Variants in ANK2 observed in about 807,000 individuals in gnomAD.
The protein encoded by ANK2 is ankyrin 2.
A neutral mutation model predicts 360.5 loss-of-function variants in ANK2; 83 were observed. That is an observed-to-expected ratio of 0.23 (90% CI 0.19 to 0.28). The LOEUF is 0.28. Ranked by LOEUF, ANK2 falls within the 10% of genes least tolerant of loss-of-function variation. ANK2 has a pLI of 1.00. For missense variants in ANK2, 4,201 were observed against 4,795.7 expected (o/e 0.88, Z 3.66); for synonymous variants, 1,740 against 1,759.5 (o/e 0.99, Z 0.28).
Position 113,335,937 on chromosome 4 carries a change from C to A in ANK2, c.3471C>A (p.Ile1157=). 6.2e-7 allele frequency: 1 copy of A among 1,614,160 alleles called. No homozygotes were observed. The highest frequency in any genetic ancestry group is 1.1e-5 in the South Asian group (1 of 91,078). ...FPQYFAVVSR[I]KQDSNLIGPE... is the part of the protein sequence containing the mutation. Reference sequence around the variant, plus strand: ...AGTACTTTGCAGTGGTGTCTCGTATCAAACAGGACAGCAATCTGATTGGCC... The same window carrying A: ...AGTACTTTGCAGTGGTGTCTCGTATAAAACAGGACAGCAATCTGATTGGCC... The change falls in exon 30 of 46, where the codon ATC becomes ATA. Residue 1157 remains isoleucine, a synonymous_variant. Transcript: ENST00000357077.
At chr4:112,907,871 T>A (rs539846121) in intron 2 of ANK2, among the ~76,000 whole-genome samples, 38 of 152,238 alleles carry the variant, frequency 2.5e-4, no homozygotes, top group Admixed American at 8.5e-4. Context: ...ATTACCAAAG[T>A]TCGTTAATGT....
chr4:113,335,803 A>C, intron 29 of ANK2, 43 bp from the exon 30 acceptor site: 1 of 1,577,250 alleles, frequency 6.3e-7, no homozygotes, highest in Non-Finnish European at 8.7e-7. Context: ...GTTAGAAGGA[A>C]ATCTTTGCTA....
At chr4:112,788,521 T>C in the ANK2 span, 7 of 1,580,620 alleles carry the variant, frequency 4.4e-6, no homozygotes, top group Non-Finnish European at 6.1e-6. Context: ...TGCCAGCAGC[T>C]TTCTTCTCGG....
intron 1 of ANK2, among the ~76,000 whole-genome samples, chr4:113,106,243 T>A (rs1048632297): frequency 2.0e-5 from 3 of 152,188 alleles, no homozygotes; most frequent in African/African-American, 7.2e-5. Flanking sequence ...TCAGAGCAAC[T>A]GGATTTAATA....
intron 1 of ANK2, among the ~76,000 whole-genome samples, chr4:112,851,092 A>C (rs1375091557): frequency 2.0e-5 from 3 of 152,188 alleles, no homozygotes; most frequent in Non-Finnish European, 4.4e-5. Flanking sequence ...TAGAAGTAAG[A>C]CAGATGAAGA....
the ANK2 span, among the ~76,000 whole-genome samples, chr4:112,773,651 A>G: frequency 1.3e-5 from 2 of 152,224 alleles, no homozygotes; most frequent in Non-Finnish European, 2.9e-5. Context: ...AGAGAGACAC[A>G]TTCATGCATT....
chr4:113,309,398 C>T (rs1428007275), intron 23 of ANK2, among the ~76,000 whole-genome samples: 1 of 152,172 alleles, frequency 6.6e-6, no homozygotes, highest in Non-Finnish European at 1.5e-5. Flanking sequence ...TAGCAGCAGC[C>T]TTAGGCAGAT....
chr4:112,948,256 C>CA lies in ANK2; in HGVS notation c.21+43750dup, dbSNP rs563234358. Among the ~76,000 whole-genome samples, 161 of 151,578 alleles carry CA rather than the reference C, an allele frequency of 1.1e-3. 1 individual carries two copies. The Middle Eastern group carries it at 0.017, about 16-fold the overall frequency. ...GGCTGGCAGCTGCCTTGCCTATTTACAAAAAAAACAGCACTTTGGAGAAGC... is the reference window on the plus strand; with the variant it reads ...GGCTGGCAGCTGCCTTGCCTATTTACAAAAAAAAACAGCACTTTGGAGAAGC... On this transcript the variant is annotated intron_variant, in intron 2 of 30. Coordinates refer to the ANK2 transcript ENST00000503271.
Position 113,357,284 on chromosome 4 carries a change from A to C in ANK2, c.8666A>C (p.Asp2889Ala). ...GAAACATTTGAGAACTTACCAAAGG[A>C]CTGCCCCTCTCAAGACTCATCCATT... ...TDETFENLPK[D>A]CPSQDSSITT... The change falls in exon 38 of 46, where the codon GAC becomes GCC. Residue 2889 changes from aspartate to alanine, a missense_variant. By Grantham distance (126) the Asp-to-Ala change is moderately radical. Transcript: ENST00000357077. 6.2e-7 allele frequency: 1 copy of C among 1,614,098 alleles called. No individual in the cohort carries two copies. Among genetic ancestry groups the C allele is most frequent in the Non-Finnish European group, 8.5e-7 (1 of 1,180,016 alleles).
intron 2 of ANK2, among the ~76,000 whole-genome samples, chr4:112,950,655 AAAAAAAAAG>A (rs1362489027): frequency 6.6e-6 from 1 of 151,596 alleles, no homozygotes; most frequent in Non-Finnish European, 1.5e-5. Flanking sequence ...AAAAGAAAAA[AAAAAAAAAG>A]AAAAAAAGAA....
chr4:113,184,600 C>G (rs77798747), intron 2 of ANK2, among the ~76,000 whole-genome samples: 3,140 of 152,198 alleles, frequency 0.021, 106 homozygotes, highest in African/African-American at 0.071. Flanking sequence ...CATTTTTCTC[C>G]TGGTTATTTT....
At chr4:112,754,006 G>A in the ANK2 span, among the ~76,000 whole-genome samples, 6 of 150,698 alleles carry the variant, frequency 4.0e-5, no homozygotes, top group African/African-American at 1.5e-4. Context: ...GCTGAGGCAC[G>A]ATAATCACTT....
chr4:113,223,666 G>C (rs17529905), intron 4 of ANK2, among the ~76,000 whole-genome samples: 3,464 of 152,198 alleles, frequency 0.023, 57 homozygotes, highest in Non-Finnish European at 0.032. Flanking sequence ...TAAGAGATGT[G>C]GTTGGCAGGG....
intron 1 of ANK2, among the ~76,000 whole-genome samples, chr4:113,070,728 C>G (rs149494958): frequency 6.6e-6 from 1 of 152,144 alleles, no homozygotes; most frequent in East Asian, 1.9e-4. Flanking sequence ...ATCCATCAAC[C>G]TTATTCCCTT....
intron 2 of ANK2, among the ~76,000 whole-genome samples, chr4:112,967,107 A>G (rs894092539): frequency 1.3e-5 from 2 of 152,196 alleles, no homozygotes; most frequent in African/African-American, 4.8e-5. Flanking sequence ...ATCCTTATTA[A>G]TTTTTAATCC....
intron 2 of ANK2, among the ~76,000 whole-genome samples, chr4:112,941,089 G>A (rs571514239): frequency 2.5e-4 from 38 of 151,976 alleles, no homozygotes; most frequent in African/African-American, 9.2e-4. Context: ...CCTTTAAGAT[G>A]TTCATATTCT....
chr4:112,933,122 A>G (rs1178228983), intron 2 of ANK2, among the ~76,000 whole-genome samples: 1 of 152,232 alleles, frequency 6.6e-6, no homozygotes, highest in South Asian at 2.1e-4. Flanking sequence ...GTTCATGGTT[A>G]TATAAACAAA....
At chr4:113,275,148 C>T (rs2059776207) in intron 15 of ANK2, among the ~76,000 whole-genome samples, 1 of 152,200 alleles carries the variant, frequency 6.6e-6, no homozygotes, top group Non-Finnish European at 1.5e-5. Context: ...TAGTTTCCAA[C>T]TTTACCAACT....
chr4:112,798,653 A>G, the ANK2 span: 2 of 152,222 alleles, frequency 1.3e-5, no homozygotes, highest in Admixed American at 1.3e-4. Flanking sequence ...CATCTGCTTG[A>G]TAACTTTGTG....
Sources: allele counts gnomAD v4.1 joint callset (sites outside exome capture counted in the v4.1 genomes callset), GRCh38; gene constraint gnomAD v4.1.1; transcripts MANE v1.5; gene names NCBI Gene and HGNC (gene_info 2026-07-23, HGNC 2026-07-21).